The following PCCA variants were observed in gnomAD, a reference collection of about 807,000 sequenced individuals.
PCCA encodes propionyl-CoA carboxylase alpha chain, mitochondrial.
PCCA carries 74 observed loss-of-function variants against 101.3 expected under a neutral mutation model. The ratio of observed to expected loss-of-function variants is 0.73; its 90% CI spans 0.61 to 0.89. The LOEUF (loss-of-function observed/expected upper bound fraction) is 0.89. PCCA is among the 40% of genes least tolerant of loss of function. PCCA has a pLI of 0.00. For missense variants in PCCA, 891 were observed against 907.0 expected, an observed-to-expected ratio of 0.98 and a Z score of 0.23; for synonymous variants, 294 against 313.6, an observed-to-expected ratio of 0.94 and a Z score of 0.66.
At chr13:100,411,300 A>G (rs555393351) in intron 19 of PCCA, among the ~76,000 whole-genome samples, 1 of 148,712 alleles carries the variant, frequency 6.7e-6, no homozygotes, top group East Asian at 2.0e-4. Context: ...ATCTTGACTC[A>G]CTGTTACCTC....
chr13:100,111,038 A>G (rs2152276212), intron 2 of PCCA, among the ~76,000 whole-genome samples: 1 of 151,774 alleles, frequency 6.6e-6, no homozygotes, highest in South Asian at 2.1e-4. Context: ...TTAGAGATGG[A>G]GACTCGCTTT....
At chr13:100,470,188 C>T (rs1015102539) in intron 21 of PCCA, among the ~76,000 whole-genome samples, 3 of 152,204 alleles carry the variant, frequency 2.0e-5, no homozygotes. Flanking sequence ...GCTCATCCGC[C>T]AGCTGAACTA....
At chr13:100,343,839 C>T (rs1448633001) in intron 18 of PCCA, among the ~76,000 whole-genome samples, 2 of 152,156 alleles carry the variant, frequency 1.3e-5, no homozygotes, top group African/African-American at 2.4e-5. Context: ...CTTTGGGAGG[C>T]CAAGGCGGAC....
chr13:100,480,044 T>C (rs2083760039), intron 21 of PCCA, among the ~76,000 whole-genome samples: 1 of 152,224 alleles, frequency 6.6e-6, no homozygotes, highest in Non-Finnish European at 1.5e-5. Context: ...GAAAAACCTA[T>C]GGAGCATTTA....
intron 5 of PCCA, 96 bp downstream of exon 5, chr13:100,155,188 T>C (rs534909172): frequency 5.9e-6 from 5 of 841,010 alleles, no homozygotes; most frequent in Non-Finnish European, 1.0e-5. Context: ...AAAGAATGAT[T>C]GAAAATGCTG....
intron 6 of PCCA, among the ~76,000 whole-genome samples, chr13:100,164,477 G>C (rs1276177302): frequency 6.6e-6 from 1 of 152,084 alleles, no homozygotes; most frequent in African/African-American, 2.4e-5. Context: ...CTGGGCCTCT[G>C]GATAGTTCAG....
At chr13:100,431,257 T>C (rs574727667) in intron 20 of PCCA, among the ~76,000 whole-genome samples, 21 of 152,356 alleles carry the variant, frequency 1.4e-4, no homozygotes, top group Non-Finnish European at 7.3e-5. Context: ...GTAAAATATC[T>C]GCTCATGACT....
intron 20 of PCCA, among the ~76,000 whole-genome samples, chr13:100,438,393 G>A (rs1444270991): frequency 6.6e-6 from 1 of 151,832 alleles, no homozygotes; most frequent in Non-Finnish European, 1.5e-5. Flanking sequence ...TGATCATCCC[G>A]CCTCTGCTTC....
chr13:100,494,113 C>T (rs757847921), intron 21 of PCCA, among the ~76,000 whole-genome samples: 4 of 151,866 alleles, frequency 2.6e-5, no homozygotes, highest in Non-Finnish European at 5.9e-5. Context: ...GGCTTGAAAC[C>T]AGGAGGTGGA....
At chr13:100,313,260 T>G (rs552708804) in intron 16 of PCCA, among the ~76,000 whole-genome samples, 4 of 152,322 alleles carry the variant, frequency 2.6e-5, no homozygotes, top group Non-Finnish European at 5.9e-5. Context: ...AAGACCATGT[T>G]CCTGTAACTG....
intron 16 of PCCA, among the ~76,000 whole-genome samples, chr13:100,311,671 G>A (rs1456899891): frequency 2.6e-5 from 4 of 152,160 alleles, no homozygotes; most frequent in Non-Finnish European, 5.9e-5. Context: ...TCAGGAGGCT[G>A]AGGCAGGAGA....
rs564310495 is a variant in PCCA at position 100,172,652 on chromosome 13, A to T, written c.468+15312A>T. ...AATTAATGAGTTTAGATAAAATAAG[A>T]GTACAAGCAAACAAAGTTGATTGTG... On this transcript the variant is annotated intron_variant, in intron 6 of 23. Coordinates refer to ENST00000376285, the MANE Select transcript of PCCA (RefSeq NM_000282.4). 2.6e-5 allele frequency among the ~76,000 whole-genome samples: 4 copies of T among 152,368 alleles called. No homozygotes were observed. The South Asian group carries it at 8.3e-4, about 32-fold the overall frequency.
intron 21 of PCCA, among the ~76,000 whole-genome samples, chr13:100,451,977 CCTCTCTCTCTTTTCTCCCT>C (rs2081330819): frequency 8.7e-6 from 1 of 115,236 alleles, no homozygotes; most frequent in Admixed American, 8.4e-5. Flanking sequence ...CTCTCCTCTC[CCTCTCTCTCTTTTCTCCCT>C]CTCTCTCTCC....
At chr13:100,449,531 T>C (rs2152925886) in intron 21 of PCCA, among the ~76,000 whole-genome samples, 1 of 152,346 alleles carries the variant, frequency 6.6e-6, no homozygotes, top group Non-Finnish European at 1.5e-5. Context: ...GTGTTGCCCA[T>C]GCTGGAGTAT....
intron 19 of PCCA, among the ~76,000 whole-genome samples, chr13:100,423,706 T>C (rs2078968962): frequency 6.6e-6 from 1 of 152,212 alleles, no homozygotes; most frequent in African/African-American, 2.4e-5. Context: ...AATTTGTGAG[T>C]AAACAGGATC....
At chr13:100,419,455 G>A (rs2078601619) in intron 19 of PCCA, among the ~76,000 whole-genome samples, 1 of 148,436 alleles carries the variant, frequency 6.7e-6, no homozygotes. Flanking sequence ...CTGGGCAACA[G>A]AGCGAGACTT....
At chr13:100,239,456 A>G (rs1344030831) in intron 8 of PCCA, among the ~76,000 whole-genome samples, 1 of 152,202 alleles carries the variant, frequency 6.6e-6, no homozygotes, top group Non-Finnish European at 1.5e-5. Flanking sequence ...ACAGTCTCCT[A>G]TCCTTGATGA....
chr13:100,110,928 C>T (rs147990283), intron 2 of PCCA, among the ~76,000 whole-genome samples: 6,031 of 152,166 alleles, frequency 0.04, 171 homozygotes, highest in Admixed American at 0.058. Context: ...GCCTCAGCCT[C>T]CCAAGTAGCT....
intron 19 of PCCA, among the ~76,000 whole-genome samples, chr13:100,377,020 C>G (rs186138525): frequency 2.7e-4 from 41 of 152,304 alleles, no homozygotes; most frequent in African/African-American, 9.1e-4. Context: ...CACTGCCCCT[C>G]CCTCATGGCA....
Sources: allele counts gnomAD v4.1 joint callset (sites outside exome capture counted in the v4.1 genomes callset), GRCh38; gene constraint gnomAD v4.1.1; transcripts MANE v1.5; gene names NCBI Gene and HGNC (gene_info 2026-07-23, HGNC 2026-07-21).